PTK2: variants seen among roughly 807,000 people sequenced by gnomAD.
PTK2 encodes the protein focal adhesion kinase 1.
In PTK2, 45 loss-of-function variants were observed where a neutral mutation model predicts 150.1. That is an observed-to-expected ratio of 0.30 (90% CI 0.24 to 0.38). PTK2 has a LOEUF of 0.38. Among genes scored for constraint, PTK2 ranks in the 10% least tolerant of loss-of-function variants. The probability of loss-of-function intolerance (pLI) is 1.00; values close to 1 mark genes in which losing one functional copy is unlikely to be tolerated. For synonymous variants in PTK2, 432 were observed against 449.2 expected (o/e 0.96, Z 0.48); for missense variants, 919 against 1,307.3 (o/e 0.70, Z 4.58).
chr8:140,872,036 G>A (rs2100142836), intron 4 of PTK2, among the ~76,000 whole-genome samples: 1 of 152,028 alleles, frequency 6.6e-6, no homozygotes, highest in South Asian at 2.1e-4. Flanking sequence ...GTGAAACCCT[G>A]TCTCTACTAA....
At chr8:140,838,698 T>A (rs1283412573) in intron 7 of PTK2, among the ~76,000 whole-genome samples, 1 of 152,076 alleles carries the variant, frequency 6.6e-6, no homozygotes, top group Non-Finnish European at 1.5e-5. Context: ...AATTTTATTA[T>A]CAAAAACTAC....
At chr8:140,990,367 T>C (rs968779467) in intron 1 of PTK2, among the ~76,000 whole-genome samples, 1 of 152,020 alleles carries the variant, frequency 6.6e-6, no homozygotes, top group Admixed American at 6.6e-5. Flanking sequence ...CCTGAATAGC[T>C]GGGACTATAG....
At chr8:140,822,814 A>G (rs1340666015) in intron 8 of PTK2, among the ~76,000 whole-genome samples, 1 of 152,210 alleles carries the variant, frequency 6.6e-6, no homozygotes, top group African/African-American at 2.4e-5. Context: ...ACAATGAATA[A>G]TTACATGTCT....
At chr8:140,830,723 G>A (rs780968091) in intron 7 of PTK2, among the ~76,000 whole-genome samples, 197 bp from the exon 8 acceptor site, 1 of 152,062 alleles carries the variant, frequency 6.6e-6, no homozygotes, top group Non-Finnish European at 1.5e-5. Context: ...GATATGTACT[G>A]GAAACATGAA....
At chr8:140,767,312 A>G (rs776081853) in intron 14 of PTK2, among the ~76,000 whole-genome samples, 11 of 151,780 alleles carry the variant, frequency 7.2e-5, no homozygotes, top group African/African-American at 1.2e-4. Flanking sequence ...GGGATGTATC[A>G]AAGCTGTCTA....
At chr8:140,976,262 C>A (rs886994493) in intron 1 of PTK2, among the ~76,000 whole-genome samples, 11 of 152,204 alleles carry the variant, frequency 7.2e-5, no homozygotes, top group African/African-American at 2.7e-4. Context: ...CAATACCTCT[C>A]TACAAAAATC....
intron 5 of PTK2, among the ~76,000 whole-genome samples, chr8:140,857,128 G>A (rs2100133155): frequency 1.3e-5 from 2 of 152,200 alleles, no homozygotes. Context: ...ACTCAGCCAT[G>A]AAGCTTGTTG....
chr8:140,725,045 GTAAA>G (rs1229195334), intron 22 of PTK2, among the ~76,000 whole-genome samples: 2 of 152,192 alleles, frequency 1.3e-5, no homozygotes, highest in African/African-American at 4.8e-5. Flanking sequence ...TCCAACTGCA[GTAAA>G]TAAAGTCTTT....
At chr8:140,803,123 T>C (rs1478721996) in intron 11 of PTK2, among the ~76,000 whole-genome samples, 6 of 150,744 alleles carry the variant, frequency 4.0e-5, no homozygotes, top group African/African-American at 1.5e-4. Flanking sequence ...CAAGAGATTC[T>C]TGTGCCTCAG....
In PTK2 at chr8:140,691,211, A is replaced by ATAACCAGC. The variant is rs2100023026; in HGVS notation, c.2500-4518_2500-4517insGCTGGTTA. ...GAGATGGTTGGGGGTGGGGGGTCTC[A>ATAACCAGC]CTATGTTATCCAGGCTGGTCTTAAA... On this transcript the variant is annotated intron_variant, in intron 26 of 31. Coordinates refer to ENST00000522684, the Ensembl canonical transcript of PTK2. Among the ~76,000 whole-genome samples, 7 of 150,126 alleles carry ATAACCAGC rather than the reference A, an allele frequency of 4.7e-5. No homozygotes were observed. The Admixed American group carries it at 4.7e-4, about 10-fold the overall frequency.
At chr8:140,758,378 G>T (rs1416347065) in intron 16 of PTK2, among the ~76,000 whole-genome samples, 1 of 152,198 alleles carries the variant, frequency 6.6e-6, no homozygotes, top group African/African-American at 2.4e-5. Flanking sequence ...ATAAGCCACA[G>T]CACCAGCCCC....
At chr8:140,854,455 G>A (rs1205099180) in intron 5 of PTK2, among the ~76,000 whole-genome samples, 1 of 152,248 alleles carries the variant, frequency 6.6e-6, no homozygotes, top group Non-Finnish European at 1.5e-5. Flanking sequence ...AGTTGTGAGA[G>A]AAAAAATAAA....
intron 4 of PTK2, among the ~76,000 whole-genome samples, chr8:140,875,050 C>G (rs985384165): frequency 1.3e-5 from 2 of 152,104 alleles, no homozygotes; most frequent in Non-Finnish European, 2.9e-5. Context: ...AGTATATGAG[C>G]TGATGAAAAA....
At chr8:140,662,514 A>C (rs530433794) in intron 31 of PTK2, 1 of 399,632 alleles carries the variant, frequency 2.5e-6, no homozygotes, top group Non-Finnish European at 4.4e-6. Context: ...TGTCATGGAA[A>C]GCCAGAGGCC....
intron 2 of PTK2, among the ~76,000 whole-genome samples, chr8:140,923,897 C>G (rs1018176891): frequency 6.6e-6 from 1 of 152,156 alleles, no homozygotes; most frequent in Non-Finnish European, 1.5e-5. Context: ...TACCTGGTCT[C>G]TCTGCTCCAG....
intron 29 of PTK2, among the ~76,000 whole-genome samples, chr8:140,670,484 CAA>C (rs1563982715): frequency 7.9e-5 from 1 of 12,602 alleles, no homozygotes; most frequent in South Asian, 3.0e-3. Flanking sequence ...AAAAAAAAAA[CAA>C]CAACACACAC....
intron 2 of PTK2, among the ~76,000 whole-genome samples, chr8:140,897,685 T>C (rs2100156835): frequency 6.6e-6 from 1 of 152,228 alleles, no homozygotes; most frequent in Non-Finnish European, 1.5e-5. Context: ...CAAGAGTTGC[T>C]TTCTGCTACA....
intron 12 of PTK2, among the ~76,000 whole-genome samples, chr8:140,797,727 A>T (rs1031539254): frequency 6.6e-6 from 1 of 152,196 alleles, no homozygotes; most frequent in Non-Finnish European, 1.5e-5. Context: ...GAAAGGGCCA[A>T]GGTTATGCAG....
intron 14 of PTK2, among the ~76,000 whole-genome samples, chr8:140,777,458 C>T (rs929010376): frequency 3.3e-5 from 5 of 152,358 alleles, no homozygotes; most frequent in African/African-American, 1.2e-4. Context: ...CATAAGGGAT[C>T]TGCCTCATGA....
Sources: gnomAD v4.1 joint callset for allele counts (sites outside exome capture counted in the v4.1 genomes callset) on GRCh38, gnomAD v4.1.1 for gene constraint, MANE v1.5 for transcripts, NCBI Gene and HGNC (gene_info 2026-07-23, HGNC 2026-07-21) for gene names.